RPN2: variants seen among roughly 807,000 people sequenced by gnomAD.
RPN2 encodes dolichyl-diphosphooligosaccharide--protein glycosyltransferase subunit 2.
A neutral mutation model predicts 71.4 loss-of-function variants in RPN2; 29 were observed. That is an observed-to-expected ratio of 0.41 (90% CI 0.30 to 0.55). RPN2 has a LOEUF of 0.55. Ranked by LOEUF, RPN2 falls within the 20% of genes least tolerant of loss-of-function variation. The probability of loss-of-function intolerance (pLI) is 0.35; values close to 1 mark genes in which losing one functional copy is unlikely to be tolerated. For synonymous variants in RPN2, 308 were observed against 305.0 expected, an observed-to-expected ratio of 1.01 and a Z score of -0.10; for missense variants, 726 against 774.1, an observed-to-expected ratio of 0.94 and a Z score of 0.74.
At chr20:37,184,425 C>A (rs1370472545) in intron 2 of RPN2, 52 bp downstream of exon 2, 2 of 1,415,510 alleles carry the variant, frequency 1.4e-6, no homozygotes, top group Non-Finnish European at 2.0e-6. Flanking sequence ...AACCTTCATC[C>A]CCTCACTATA....
intron 2 of RPN2, among the ~76,000 whole-genome samples, chr20:37,189,917 T>C (rs1254374429): frequency 6.6e-6 from 1 of 152,242 alleles, no homozygotes; most frequent in Non-Finnish European, 1.5e-5. Flanking sequence ...CCTTTTGTAG[T>C]GATGCTTCGT....
chr20:37,234,308 T>C (rs978801719), intron 15 of RPN2, among the ~76,000 whole-genome samples: 11 of 152,260 alleles, frequency 7.2e-5, no homozygotes, highest in Admixed American at 5.9e-4. Flanking sequence ...TGGGCTTTGT[T>C]GTACTGTGCC....
chr20:37,220,023 TTATC>T (rs774552492), intron 9 of RPN2, among the ~76,000 whole-genome samples: 1 of 152,156 alleles, frequency 6.6e-6, no homozygotes, highest in African/African-American at 2.4e-5. Context: ...GTTGGAAAAA[TTATC>T]TAAGTACAAA....
chr20:37,226,677 A>G (rs1463346200), intron 11 of RPN2, among the ~76,000 whole-genome samples: 1 of 152,252 alleles, frequency 6.6e-6, no homozygotes, highest in Non-Finnish European at 1.5e-5. Flanking sequence ...TTATGAAAGC[A>G]ATAGGCTTTA....
At position 37,198,455 on chromosome 20, in the gene RPN2, A is replaced by C; in HGVS notation, c.266A>C (p.Tyr89Ser). 6.2e-7 allele frequency: 1 copy of C among 1,614,226 alleles called. No individual in the cohort carries two copies. Among genetic ancestry groups the C allele is most frequent in the Non-Finnish European group, 8.5e-7 (1 of 1,180,032 alleles). Residue 89 changes from tyrosine (Y) to serine (S), a missense_variant, in exon 3 of 17, where the codon TAC (tyrosine) becomes TCC (serine). Coordinates refer to ENST00000237530, the MANE Select transcript of RPN2 (RefSeq NM_002951.5). ...CCCAGCAATGTGGATTCCCTCTTCT[A>C]CGCTGCCCAGGCCAGCCAGGCCCTC... ...LDPSNVDSLF[Y>S]AAQASQALSG...
rs201261133 is a variant in RPN2 at position 37,199,241 on chromosome 20, G to A, written c.479+16G>A. The A allele has an allele frequency of 4.3e-6, 7 of 1,612,464 alleles. No homozygotes were observed. Among genetic ancestry groups the A allele is most frequent in the East Asian group, 2.2e-5 (1 of 44,882 alleles). On this transcript the variant is annotated intron_variant, in intron 4 of 16. Transcript: ENST00000237530. Reference sequence around the variant, plus strand: ...CTGTGCTGGCGTGAGTTGTCATCTCGAGCATTTCTCAGGCTTCATTTGTCT... The same window carrying A: ...CTGTGCTGGCGTGAGTTGTCATCTCAAGCATTTCTCAGGCTTCATTTGTCT...
At chr20:37,209,918 C>T (rs2146607195) in intron 7 of RPN2, 129 bp from the exon 8 acceptor site, 2 of 1,508,280 alleles carry the variant, frequency 1.3e-6, no homozygotes, top group Non-Finnish European at 1.8e-6. Flanking sequence ...CCAAGGTCAG[C>T]CAAGATTTCC....
At chr20:37,205,296 C>T (rs1030086034) in intron 6 of RPN2, among the ~76,000 whole-genome samples, 1 of 152,018 alleles carries the variant, frequency 6.6e-6, no homozygotes. Context: ...TCCCTTCCCC[C>T]TTATGCTCAG....
rs1248704496 is a variant in RPN2 at position 37,232,286 on chromosome 20, C to A, written c.1582-10C>A. ...ACATTCTTAAGTCTTCTTGGTGTGT[C>A]TTTCGGCAGCACCTGTTCCGCGAGC... On this transcript the variant is annotated splice_polypyrimidine_tract_variant and intron_variant, in intron 13 of 16. Transcript: ENST00000237530. 6.2e-7 allele frequency: 1 copy of A among 1,614,206 alleles called. No individual in the cohort carries two copies. The highest frequency in any genetic ancestry group is 8.5e-7 in the Non-Finnish European group (1 of 1,180,026).
rs763515303 is a variant in RPN2, at chr20:37,199,127, T to C, written c.381T>C (p.His127=). 3 of 1,614,122 alleles carry C rather than the reference T, an allele frequency of 1.9e-6. No homozygotes were observed. The highest frequency in any genetic ancestry group is 2.2e-5 in the South Asian group (2 of 91,088). Residue 127 remains histidine, a synonymous_variant, in exon 4 of 17, where the codon CAT becomes CAC. Transcript: ENST00000237530. ...ACTCATCTGTTACCCAGATCTACCA[T>C]GCAGTTGCAGCTCTAAGTGGCTTTG... ...SEDSSVTQIY[H]AVAALSGFGL...
chr20:37,236,574 T>G lies in RPN2; in HGVS notation c.1754-6T>G, dbSNP rs1375316653. On this transcript the variant is annotated splice_region_variant and splice_polypyrimidine_tract_variant and intron_variant, in intron 15 of 16. Coordinates refer to ENST00000237530, the MANE Select transcript of RPN2 (RefSeq NM_002951.5). Reference sequence around the variant, plus strand: ...TAATTGGATGTCATGACACCTCTTCTTGCAGCTATGCTGGGACTCATGTAT... The same window carrying G: ...TAATTGGATGTCATGACACCTCTTCGTGCAGCTATGCTGGGACTCATGTAT... The G allele has an allele frequency of 6.2e-7, 1 of 1,614,122 alleles. No individual in the cohort carries two copies. Among genetic ancestry groups the G allele is most frequent in the Non-Finnish European group, 8.5e-7 (1 of 1,179,998 alleles).
chr20:37,183,143 A>G (rs571701033), intron 1 of RPN2, among the ~76,000 whole-genome samples: 7 of 152,354 alleles, frequency 4.6e-5, no homozygotes, highest in Admixed American at 1.3e-4. Context: ...GGATATAAGC[A>G]CAACAATAAT....
intron 11 of RPN2, among the ~76,000 whole-genome samples, chr20:37,226,948 C>G (rs2068092735): frequency 5.9e-5 from 9 of 152,240 alleles, no homozygotes; most frequent in Admixed American, 5.9e-4. Context: ...CAAGGACCAG[C>G]AGACTTGTTG....
At chr20:37,232,268 T>G (rs776384373) in intron 13 of RPN2, 28 bp from the exon 14 acceptor site, 1 of 1,614,022 alleles carries the variant, frequency 6.2e-7, no homozygotes, top group African/African-American at 1.3e-5. Flanking sequence ...GGCACATTCT[T>G]AAGTCTTCTT....
At chr20:37,236,421 G>C (rs1478000763) in intron 15 of RPN2, among the ~76,000 whole-genome samples, 159 bp from the exon 16 acceptor site, 1 of 152,206 alleles carries the variant, frequency 6.6e-6, no homozygotes, top group African/African-American at 2.4e-5. Flanking sequence ...CGAATATATT[G>C]AGTTAGCTAC....
chr20:37,183,142 CACA>C (rs2066922633), intron 1 of RPN2, among the ~76,000 whole-genome samples: 3 of 151,688 alleles, frequency 2.0e-5, no homozygotes, highest in African/African-American at 7.3e-5. Flanking sequence ...TGGATATAAG[CACA>C]ACAATAATAA....
chr20:37,232,257 G>T, intron 13 of RPN2, 39 bp from the exon 14 acceptor site: 1 of 1,612,766 alleles, frequency 6.2e-7, no homozygotes, highest in African/African-American at 1.3e-5. Context: ...CTACTGGGAA[G>T]GGCACATTCT....
At chr20:37,200,058 G>A (rs1940434146) in intron 4 of RPN2, among the ~76,000 whole-genome samples, 1 of 151,506 alleles carries the variant, frequency 6.6e-6, no homozygotes, top group Admixed American at 6.6e-5. Context: ...GCAGTGACGC[G>A]ATCTCAGTTC....
chr20:37,193,482 AGT>A (rs1313093225), intron 2 of RPN2, among the ~76,000 whole-genome samples: 3 of 152,176 alleles, frequency 2.0e-5, no homozygotes, highest in Non-Finnish European at 4.4e-5. Context: ...GCCAAGCCAT[AGT>A]GCCTTGGCCC....
Sources: allele counts gnomAD v4.1 joint callset (sites outside exome capture counted in the v4.1 genomes callset), GRCh38; gene constraint gnomAD v4.1.1; transcripts MANE v1.5; gene names NCBI Gene and HGNC (gene_info 2026-07-23, HGNC 2026-07-21).